Variants in ALK observed in about 807,000 individuals in gnomAD.
ALK encodes ALK receptor tyrosine kinase, also known as ALK tyrosine kinase receptor.
Under a neutral mutation model 163.1 loss-of-function variants are expected in ALK, and 74 were observed. That is an observed-to-expected ratio of 0.45 (90% CI 0.38 to 0.55). The LOEUF is 0.55. ALK is among the 20% of genes least tolerant of loss of function. ALK has a pLI of 0.00. For missense variants in ALK, 2,063 were observed against 2,105.3 expected (o/e 0.98, Z 0.39); for synonymous variants, 960 against 843.2 (o/e 1.14, Z -2.40).
intron 3 of ALK, among the ~76,000 whole-genome samples, chr2:29,574,590 A>C (rs1269367933): frequency 1.3e-5 from 2 of 152,258 alleles, no homozygotes; most frequent in Non-Finnish European, 2.9e-5. Context: ...TCTGGTATGA[A>C]GCGCCTCTTG....
At chr2:29,528,421 G>T (rs1433927023) in intron 4 of ALK, among the ~76,000 whole-genome samples, 1 of 152,186 alleles carries the variant, frequency 6.6e-6, no homozygotes, top group Non-Finnish European at 1.5e-5. Context: ...GCAGTGGGTG[G>T]CTCCCTAGCC....
intron 9 of ALK, among the ~76,000 whole-genome samples, chr2:29,284,799 A>T (rs1665807866): frequency 6.6e-6 from 1 of 152,168 alleles, no homozygotes; most frequent in African/African-American, 2.4e-5. Flanking sequence ...CAGAATTATG[A>T]ATGTTTGATT....
chr2:29,502,531 C>T lies in ALK; in HGVS notation c.1154+29384G>A, dbSNP rs193244930. Among the ~76,000 whole-genome samples, 11 of 152,152 alleles carry T rather than the reference C, an allele frequency of 7.2e-5. No individual in the cohort carries two copies. In the East Asian group the frequency reaches 1.2e-3, roughly 16 times the overall value. On this transcript the variant is annotated intron_variant, in intron 4 of 28. Coordinates refer to ENST00000389048, the MANE Select transcript of ALK (RefSeq NM_004304.5). Reference sequence around the variant, plus strand: ...TTGTTACTTCATAAATCTTGAGCTCCCCCAATGTAAATTGCCATCAAACAA... The same window carrying T: ...TTGTTACTTCATAAATCTTGAGCTCTCCCAATGTAAATTGCCATCAAACAA...
At chr2:29,909,500 G>A (rs1190784066) in intron 1 of ALK, among the ~76,000 whole-genome samples, 1 of 151,344 alleles carries the variant, frequency 6.6e-6, no homozygotes, top group African/African-American at 2.4e-5. Flanking sequence ...GAGAGAGAGA[G>A]AGAGAGAGAG....
intron 3 of ALK, among the ~76,000 whole-genome samples, chr2:29,669,872 CA>C (rs34668767): frequency 0.84 from 126,310 of 151,102 alleles, 52,987 homozygotes; most frequent in African/African-American, 0.92. Context: ...AAAACAAAGG[CA>C]AAAAAAAACT....
In ALK at chr2:29,398,141, G is replaced by C. The variant is rs184751317; in HGVS notation, c.1155-14282C>G. 2.0e-3 allele frequency among the ~76,000 whole-genome samples: 311 copies of C among 152,282 alleles called. 4 individuals carry two copies. The highest frequency in any genetic ancestry group is 7.4e-3 in the Admixed American group (113 of 15,302). The stretch of plus-strand genomic sequence containing the variant: ...GGCACATGCAGGAGCCAGAAAGATG[G>C]GGGCTAGGGCTAGAGGGGGCAGGAA... On this transcript the variant is annotated intron_variant, in intron 4 of 28. Transcript: ENST00000389048.
intron 5 of ALK, among the ~76,000 whole-genome samples, chr2:29,359,270 C>T (rs923942356): frequency 1.3e-5 from 2 of 152,194 alleles, no homozygotes; most frequent in East Asian, 1.9e-4. Context: ...GCGGCCAATG[C>T]CCCTCCCTTG....
intron 4 of ALK, among the ~76,000 whole-genome samples, chr2:29,415,734 A>C (rs1048207073): frequency 6.6e-6 from 1 of 152,254 alleles, no homozygotes; most frequent in African/African-American, 2.4e-5. Flanking sequence ...GACTGAGTAA[A>C]GAAGGCCTGC....
At chr2:29,684,463 C>A (rs539744401) in intron 3 of ALK, among the ~76,000 whole-genome samples, 1 of 152,174 alleles carries the variant, frequency 6.6e-6, no homozygotes, top group Non-Finnish European at 1.5e-5. Context: ...TGGCAGTAAT[C>A]GATTCCACTT....
chr2:29,218,343 C>G (rs1485604252), intron 23 of ALK, among the ~76,000 whole-genome samples: 1 of 152,202 alleles, frequency 6.6e-6, no homozygotes, highest in Admixed American at 6.5e-5. Context: ...CAGGCCCCCT[C>G]CCCGTTCTGG....
At chr2:29,618,619 C>T (rs59039878) in intron 3 of ALK, among the ~76,000 whole-genome samples, 3,868 of 152,206 alleles carry the variant, frequency 0.025, 93 homozygotes, top group South Asian at 0.056. Context: ...CTCCCTAACC[C>T]CTGGTGCAAA....
chr2:29,719,235 T>A (rs572590600), intron 1 of ALK, among the ~76,000 whole-genome samples: 32 of 152,370 alleles, frequency 2.1e-4, no homozygotes, highest in African/African-American at 7.2e-4. Flanking sequence ...AAGTGCTGGC[T>A]CTTGGGTATC....
rs77910080 is a variant in ALK, at chr2:29,574,562, A to T, written c.953-42446T>A. 5.7e-3 allele frequency among the ~76,000 whole-genome samples: 871 copies of T among 152,372 alleles called. 10 individuals carry two copies. Among genetic ancestry groups the T allele is most frequent in the African/African-American group, 0.017 (707 of 41,592 alleles). ...AAGACTCATATTTCAGCTTCCAAAC[A>T]GCATCTCTCTGACTGCTTCTGGTAT... On this transcript the variant is annotated intron_variant, in intron 3 of 28. Coordinates refer to ENST00000389048, the MANE Select transcript of ALK (RefSeq NM_004304.5).
chr2:29,466,705 C>T (rs566432425), intron 4 of ALK, among the ~76,000 whole-genome samples: 2 of 152,252 alleles, frequency 1.3e-5, no homozygotes, highest in South Asian at 4.2e-4. Flanking sequence ...GATAACAGTG[C>T]TCTCACAAGT....
intron 28 of ALK, among the ~76,000 whole-genome samples, chr2:29,195,858 G>A (rs1057162083): frequency 6.6e-6 from 1 of 152,214 alleles, no homozygotes; most frequent in South Asian, 2.1e-4. Context: ...GGAGAGCATC[G>A]GACAGAACAA....
chr2:29,517,237 G>A (rs912442696), intron 4 of ALK, among the ~76,000 whole-genome samples: 9 of 152,038 alleles, frequency 5.9e-5, no homozygotes, highest in Non-Finnish European at 8.8e-5. Context: ...CCTCAGGAAC[G>A]GGGAGTCCAG....
intron 4 of ALK, among the ~76,000 whole-genome samples, chr2:29,400,185 T>C (rs553413587): frequency 4.5e-4 from 68 of 152,358 alleles, no homozygotes; most frequent in African/African-American, 1.6e-3. Flanking sequence ...TTCATTTTCA[T>C]GTATTATAAA....
At chr2:29,516,988 C>A (rs769683213) in intron 4 of ALK, among the ~76,000 whole-genome samples, 1 of 152,218 alleles carries the variant, frequency 6.6e-6, no homozygotes, top group Non-Finnish European at 1.5e-5. Context: ...TCGCATGACA[C>A]TAATTTTGAG....
chr2:29,776,483 G>A (rs1294791169), intron 1 of ALK, among the ~76,000 whole-genome samples: 6 of 152,178 alleles, frequency 3.9e-5, no homozygotes, highest in Non-Finnish European at 7.3e-5. Context: ...CTGACCTCCT[G>A]CACCACTTTG....
Sources: allele counts gnomAD v4.1 joint callset (sites outside exome capture counted in the v4.1 genomes callset), GRCh38; gene constraint gnomAD v4.1.1; transcripts MANE v1.5; gene names NCBI Gene and HGNC (gene_info 2026-07-23, HGNC 2026-07-21).